BAIAP2: variants seen among roughly 807,000 people sequenced by gnomAD.
BAIAP2 encodes BAR/IMD domain containing adaptor protein 2.
Under a neutral mutation model 63.0 loss-of-function variants are expected in BAIAP2, and 18 were observed. The ratio of observed to expected loss-of-function variants is 0.29; its 90% CI spans 0.20 to 0.42. BAIAP2 has a LOEUF of 0.42. Ranked by LOEUF, BAIAP2 falls within the 10% of genes least tolerant of loss-of-function variation. The pLI, the probability that BAIAP2 is intolerant of heterozygous loss-of-function variation, is 1.00. For missense variants in BAIAP2, 610 were observed against 734.3 expected, an observed-to-expected ratio of 0.83 and a Z score of 1.96; for synonymous variants, 386 against 307.6, an observed-to-expected ratio of 1.25 and a Z score of -2.67.
chr17:81,103,834 G>T, intron 8 of BAIAP2, 73 bp from the exon 9 acceptor site: 1 of 1,596,504 alleles, frequency 6.3e-7, no homozygotes, highest in Non-Finnish European at 8.5e-7. Flanking sequence ...TGAGGGGGCG[G>T]AGGGTTCTCT....
rs34176221 is a variant in BAIAP2 at position 81,062,307 on chromosome 17, A to ATT, written c.217+4353_217+4354dup. Among the ~76,000 whole-genome samples, 988 of 148,322 alleles carry ATT rather than the reference A, an allele frequency of 6.7e-3. 2 individuals carry two copies. Among genetic ancestry groups the ATT allele is most frequent in the African/African-American group, 0.01 (411 of 40,256 alleles). The stretch of plus-strand genomic sequence containing the variant: ...AATTTTAATGTAGTTCAATGGACTG[A>ATT]TTTTTTTTTTTTTTGGTATTACAGT... On this transcript the variant is annotated intron_variant, in intron 3 of 13. Coordinates refer to ENST00000428708, the MANE Select transcript of BAIAP2 (RefSeq NM_001144888.2).
chr17:81,054,796 C>CG (rs748378641), intron 2 of BAIAP2, among the ~76,000 whole-genome samples: 6 of 152,164 alleles, frequency 3.9e-5, no homozygotes, highest in Non-Finnish European at 7.4e-5. Context: ...CACTCCACTG[C>CG]GGGGCCTTGG....
chr17:81,084,809 C>A (rs1471558433), intron 3 of BAIAP2, 23 bp from the exon 4 acceptor site: 11 of 1,612,462 alleles, frequency 6.8e-6, no homozygotes, highest in South Asian at 2.2e-5. Flanking sequence ...CCCTCCCCTT[C>A]CTTCTGCTGT....
At chr17:81,108,671 C>A in intron 13 of BAIAP2, 162 bp downstream of exon 13, 1 of 977,420 alleles carries the variant, frequency 1.0e-6, no homozygotes, top group Non-Finnish European at 1.5e-6. Context: ...GGGCGTCCTG[C>A]TTTCTCCGAG....
chr17:81,079,571 G>A (rs1470184388), intron 3 of BAIAP2, among the ~76,000 whole-genome samples: 2 of 152,142 alleles, frequency 1.3e-5, no homozygotes, highest in Non-Finnish European at 2.9e-5. Flanking sequence ...GGCTGGTGGG[G>A]TGAGCTGCCC....
At chr17:81,111,747 G>A (rs2059951750) in intron 13 of BAIAP2, among the ~76,000 whole-genome samples, 3 of 152,346 alleles carry the variant, frequency 2.0e-5, no homozygotes, top group South Asian at 2.1e-4. Context: ...CCAGGAGCAG[G>A]CCCTCTGCCC....
At chr17:81,086,660 A>G in intron 6 of BAIAP2, 80 bp downstream of exon 6, 10 of 1,503,986 alleles carry the variant, frequency 6.6e-6, no homozygotes, top group Non-Finnish European at 9.2e-6. Flanking sequence ...GTCCACAGGG[A>G]GTGGACAGCA....
At chr17:81,048,916 A>AG (rs1426120825) in intron 1 of BAIAP2, among the ~76,000 whole-genome samples, 1 of 152,258 alleles carries the variant, frequency 6.6e-6, no homozygotes. Flanking sequence ...GCGTCCTATG[A>AG]GGGGAAGCCT....
rs766248709 is a variant in BAIAP2 at position 81,103,630 on chromosome 17, C to T, written c.771C>T (p.Ala257=). The T allele has an allele frequency of 1.2e-6, 2 of 1,605,864 alleles. No homozygotes were observed. Among genetic ancestry groups the T allele is most frequent in the South Asian group, 1.1e-5 (1 of 90,954 alleles). ...VASNGATLPS[A]LSASKSNLVI... ...GCAACGGCGCCACCCTCCCCAGCGC[C>T]CTGTCGGCCTCCAAGTCCAACCTGG... Residue 257 remains alanine, a synonymous_variant, in exon 8 of 14, where the codon GCC becomes GCT. Transcript: ENST00000428708.
At position 81,086,973 on chromosome 17, in the gene BAIAP2, G is replaced by A. The variant is rs192608467; in HGVS notation, c.489+393G>A. 1.7e-3 allele frequency: 319 copies of A among 188,774 alleles called. 1 individual carries two copies. Among genetic ancestry groups the A allele is most frequent in the Non-Finnish European group, 1.6e-3 (145 of 89,764 alleles). The allele number at this position is 188,774 out of a possible 1,614,324, so 11.7% of individuals were successfully genotyped here. A position where few individuals can be genotyped will look rare whatever the true frequency, so the allele number is the denominator to read the frequency against. On this transcript the variant is annotated intron_variant, in intron 6 of 13. Coordinates refer to ENST00000428708, the MANE Select transcript of BAIAP2 (RefSeq NM_001144888.2). ...GGGAAGGTGGTACTTCAGGTTCCTC[G>A]AGGGAGCGGCTTCGGTGTTGTTTCT...
At chr17:81,070,263 G>T (rs1328286339) in intron 3 of BAIAP2, among the ~76,000 whole-genome samples, 1 of 152,170 alleles carries the variant, frequency 6.6e-6, no homozygotes, top group African/African-American at 2.4e-5. Flanking sequence ...CTGGCCAGAG[G>T]TTGGTCTTGC....
chr17:81,071,127 C>A (rs549915708), intron 3 of BAIAP2, among the ~76,000 whole-genome samples: 1 of 151,742 alleles, frequency 6.6e-6, no homozygotes, highest in Non-Finnish European at 1.5e-5. Context: ...ATTGGTTACC[C>A]GCTGGCCACA....
chr17:81,088,028 G>A (rs1054378873), intron 6 of BAIAP2, among the ~76,000 whole-genome samples: 3 of 152,068 alleles, frequency 2.0e-5, no homozygotes, highest in Non-Finnish European at 4.4e-5. Context: ...GGGGAGTTGA[G>A]GAGGAGAAAT....
intron 6 of BAIAP2, among the ~76,000 whole-genome samples, chr17:81,087,203 G>A (rs188425638): frequency 3.9e-5 from 6 of 152,362 alleles, no homozygotes; most frequent in Non-Finnish European, 7.4e-5. Context: ...ATGCCCAGTC[G>A]TGTGTAAAGG....
At chr17:81,089,143 A>G (rs1373524503) in intron 6 of BAIAP2, among the ~76,000 whole-genome samples, 1 of 152,238 alleles carries the variant, frequency 6.6e-6, no homozygotes, top group Non-Finnish European at 1.5e-5. Context: ...CATCCCACAC[A>G]GGGGTTTTGG....
intron 3 of BAIAP2, among the ~76,000 whole-genome samples, chr17:81,077,904 C>G (rs1386105419): frequency 1.4e-5 from 2 of 147,096 alleles, no homozygotes; most frequent in African/African-American, 2.5e-5. Context: ...TCTGGGCACT[C>G]TGGGTGCAGG....
At chr17:81,075,427 C>T (rs1474391177) in intron 3 of BAIAP2, among the ~76,000 whole-genome samples, 1 of 152,230 alleles carries the variant, frequency 6.6e-6, no homozygotes, top group South Asian at 2.1e-4. Flanking sequence ...TCGGAAGGAG[C>T]TCGGCCGTCG....
At chr17:81,104,483 C>A in intron 9 of BAIAP2, 31 bp from the exon 10 acceptor site, 8 of 1,560,652 alleles carry the variant, frequency 5.1e-6, no homozygotes, top group South Asian at 1.2e-5. Flanking sequence ...CAGCCAGGGG[C>A]AGTCCCCTTA....
Position 81,052,459 on chromosome 17 carries a change from G to A in BAIAP2, c.55-1209G>A, listed in dbSNP as rs1252484694. On this transcript the variant is annotated intron_variant, in intron 1 of 13. Coordinates refer to ENST00000428708, the MANE Select transcript of BAIAP2 (RefSeq NM_001144888.2). ...GAAGGAGCACCTGCCCTGGAACTTG[G>A]CCGGGTGGCGTTACCACCGGAGGGT... 2.0e-5 allele frequency among the ~76,000 whole-genome samples: 3 copies of A among 152,220 alleles called. No individual in the cohort carries two copies. The South Asian group carries it at 6.2e-4, about 31-fold the overall frequency.
Sources: allele counts gnomAD v4.1 joint callset (sites outside exome capture counted in the v4.1 genomes callset), GRCh38; gene constraint gnomAD v4.1.1; transcripts MANE v1.5; gene names NCBI Gene and HGNC (gene_info 2026-07-23, HGNC 2026-07-21).